ACSM1: variants seen among roughly 807,000 people sequenced by gnomAD.
ACSM1 encodes acyl-CoA synthetase medium chain family member 1.
In ACSM1, 79 loss-of-function variants were observed where a neutral mutation model predicts 75.8. The ratio of observed to expected loss-of-function variants is 1.04; its 90% CI spans 0.87 to 1.26. The LOEUF (loss-of-function observed/expected upper bound fraction) is 1.26, where lower values mean the gene tolerates loss of function less well. Ranked by LOEUF, ACSM1 falls within the 50% of genes most tolerant of loss-of-function variation. The pLI is 0.00. For missense variants in ACSM1, 676 were observed against 720.1 expected (o/e 0.94, Z 0.70); for synonymous variants, 279 against 265.8 (o/e 1.05, Z -0.48).
intron 1 of ACSM1, among the ~76,000 whole-genome samples, chr16:20,696,309 C>T (rs756207449): frequency 9.9e-5 from 15 of 152,180 alleles, no homozygotes; most frequent in African/African-American, 3.1e-4. Flanking sequence ...GTCTCTGTTT[C>T]GATATCTATT....
chr16:20,670,015 G>A (rs1298041794), intron 5 of ACSM1, 29 bp from the exon 6 acceptor site: 1 of 1,610,760 alleles, frequency 6.2e-7, no homozygotes, highest in East Asian at 2.2e-5. Flanking sequence ...GGCCTCAGCT[G>A]TGTGATCATG....
intron 8 of ACSM1, among the ~76,000 whole-genome samples, chr16:20,639,655 G>C (rs895843823): frequency 3.3e-5 from 5 of 152,212 alleles, no homozygotes; most frequent in Non-Finnish European, 5.9e-5. Context: ...TCTGCAGATA[G>C]ATTTGGGACA....
chr16:20,660,190 A>G (rs1235027197), intron 7 of ACSM1, among the ~76,000 whole-genome samples: 1 of 152,204 alleles, frequency 6.6e-6, no homozygotes, highest in East Asian at 1.9e-4. Flanking sequence ...ATGTGATATA[A>G]AGTCTCTTGT....
chr16:20,656,935 G>C (rs1241709432), intron 7 of ACSM1, among the ~76,000 whole-genome samples: 5 of 150,290 alleles, frequency 3.3e-5, no homozygotes, highest in Admixed American at 6.6e-5. Context: ...GGTAAAACAA[G>C]TTTAGTTGTC....
At chr16:20,630,107 G>A (rs1473482297) in intron 10 of ACSM1, among the ~76,000 whole-genome samples, 1 of 149,030 alleles carries the variant, frequency 6.7e-6, no homozygotes, top group Non-Finnish European at 1.5e-5. Context: ...ACTAATATCC[G>A]ACAGAAAAAA....
chr16:20,680,418 T>A (rs2079416610), intron 4 of ACSM1: 1 of 152,236 alleles, frequency 6.6e-6, no homozygotes, highest in Non-Finnish European at 1.5e-5. Context: ...CTCAACTAGC[T>A]GAAAACATAG....
intron 5 of ACSM1, 111 bp downstream of exon 5, chr16:20,671,420 A>C: frequency 8.3e-7 from 1 of 1,204,100 alleles, no homozygotes; most frequent in Non-Finnish European, 1.1e-6. Context: ...AGTCACTTCT[A>C]CTTCCAGTTC....
At chr16:20,693,629 A>G (rs1299370173) in intron 1 of ACSM1, among the ~76,000 whole-genome samples, 1 of 152,204 alleles carries the variant, frequency 6.6e-6, no homozygotes, top group African/African-American at 2.4e-5. Context: ...ACTTGTTGTC[A>G]AGTGGCTGGA....
intron 3 of ACSM1, 75 bp downstream of exon 3, chr16:20,685,118 C>T (rs1465296327): frequency 1.3e-6 from 2 of 1,513,704 alleles, no homozygotes; most frequent in Non-Finnish European, 1.8e-6. Flanking sequence ...GCTGGGTGCA[C>T]AGCACCTAAT....
At chr16:20,636,892 G>T in intron 9 of ACSM1, 52 bp from the exon 10 acceptor site, 1 of 1,382,950 alleles carries the variant, frequency 7.2e-7, no homozygotes, top group Non-Finnish European at 1.0e-6. Context: ...CAGCCCTTCT[G>T]CCCCACCCAA....
intron 9 of ACSM1, 28 bp downstream of exon 9, chr16:20,637,343 C>T (rs981366930): frequency 1.9e-6 from 3 of 1,603,118 alleles, no homozygotes; most frequent in South Asian, 1.1e-5. Context: ...GCCCTAACTG[C>T]TCCCTGCCAA....
chr16:20,656,733 C>A (rs1241621244), intron 7 of ACSM1, among the ~76,000 whole-genome samples: 1 of 152,054 alleles, frequency 6.6e-6, no homozygotes, highest in African/African-American at 2.4e-5. Flanking sequence ...TCCCGCTGGG[C>A]CTGGATCTGT....
At chr16:20,662,009 A>G in intron 6 of ACSM1, 136 bp from the exon 7 acceptor site, 1 of 515,344 alleles carries the variant, frequency 1.9e-6, no homozygotes, top group Admixed American at 3.1e-5. Context: ...ATACACACAT[A>G]CTGAGCATGG....
intron 7 of ACSM1, among the ~76,000 whole-genome samples, chr16:20,655,772 C>G (rs2018925357): frequency 6.6e-6 from 1 of 152,140 alleles, no homozygotes; most frequent in South Asian, 2.1e-4. Flanking sequence ...AAGCAATTCT[C>G]CTGCCTCAGC....
chr16:20,627,031 G>A (rs967631539), intron 11 of ACSM1, among the ~76,000 whole-genome samples, 158 bp downstream of exon 11: 2 of 152,022 alleles, frequency 1.3e-5, no homozygotes, highest in South Asian at 2.1e-4. Context: ...GAGAAGGTTC[G>A]GGAGGTATAC....
At chr16:20,689,276 G>T (rs1466613911) in intron 2 of ACSM1, among the ~76,000 whole-genome samples, 1 of 151,834 alleles carries the variant, frequency 6.6e-6, no homozygotes, top group Admixed American at 6.6e-5. Context: ...AATTCCCATG[G>T]TAACCACAAG....
At chr16:20,692,834 T>G (rs900492755) in intron 1 of ACSM1, among the ~76,000 whole-genome samples, 1 of 152,156 alleles carries the variant, frequency 6.6e-6, no homozygotes, top group East Asian at 1.9e-4. Flanking sequence ...TTGTAGGGCA[T>G]AACTCCCTAA....
At chr16:20,666,636 C>T (rs1373142644) in intron 6 of ACSM1, among the ~76,000 whole-genome samples, 1 of 152,064 alleles carries the variant, frequency 6.6e-6, no homozygotes, top group African/African-American at 2.4e-5. Context: ...CTTTAAAACT[C>T]ATATAGTACC....
rs564713284 is a variant in ACSM1 at position 20,669,734 on chromosome 16, T to C, written c.912+93A>G. 40 of 1,343,186 alleles carry C rather than the reference T, an allele frequency of 3.0e-5. No individual in the cohort carries two copies. In the Admixed American group the frequency reaches 7.7e-4, roughly 26 times the overall value. The allele number at this position is 1,343,186 out of a possible 1,614,324, so 83.2% of individuals were successfully genotyped here. On this transcript the variant is annotated intron_variant, in intron 6 of 13. Transcript: ENST00000520010. ...TCAGGATCATCTTAGGCTCATGGGCTTCTTTGCTTAATAAAATATTTTTTT... is the reference window on the plus strand; with the variant it reads ...TCAGGATCATCTTAGGCTCATGGGCCTCTTTGCTTAATAAAATATTTTTTT...
Sources: allele counts gnomAD v4.1 joint callset (sites outside exome capture counted in the v4.1 genomes callset), GRCh38; gene constraint gnomAD v4.1.1; transcripts MANE v1.5; gene names NCBI Gene and HGNC (gene_info 2026-07-23, HGNC 2026-07-21).